The following NSMCE2 variants were observed in gnomAD, a reference collection of about 807,000 sequenced individuals.
NSMCE2 encodes E3 SUMO-protein ligase NSE2.
In NSMCE2, 24 loss-of-function variants were observed where a neutral mutation model predicts 23.8. The observed-to-expected ratio is 1.01, with a 90% CI of 0.73 to 1.42. NSMCE2 has a LOEUF of 1.42. Among genes scored for constraint, NSMCE2 ranks in the 40% most tolerant of loss-of-function variants. The pLI, the probability that NSMCE2 is intolerant of heterozygous loss-of-function variation, is 0.00. For synonymous variants in NSMCE2, 92 were observed against 94.1 expected, an observed-to-expected ratio of 0.98 and a Z score of 0.13; for missense variants, 284 against 296.5, an observed-to-expected ratio of 0.96 and a Z score of 0.31.
At chr8:125,175,713 A>G (rs1369037431) in intron 4 of NSMCE2, among the ~76,000 whole-genome samples, 1 of 151,316 alleles carries the variant, frequency 6.6e-6, no homozygotes, top group Non-Finnish European at 1.5e-5. Flanking sequence ...TTATAAGGCA[A>G]TAATGATAAT....
intron 5 of NSMCE2, among the ~76,000 whole-genome samples, chr8:125,224,421 T>G (rs969451754): frequency 6.6e-6 from 1 of 152,170 alleles, no homozygotes; most frequent in African/African-American, 2.4e-5. Flanking sequence ...TTCAAGTAGT[T>G]TTACAGTTTC....
intron 5 of NSMCE2, among the ~76,000 whole-genome samples, chr8:125,212,819 C>T (rs1307503472): frequency 6.6e-6 from 1 of 152,142 alleles, no homozygotes; most frequent in Non-Finnish European, 1.5e-5. Flanking sequence ...GACTAGATTT[C>T]AGCCCGGGTT....
chr8:125,279,678 T>A (rs1827619073), intron 5 of NSMCE2, among the ~76,000 whole-genome samples: 1 of 152,376 alleles, frequency 6.6e-6, no homozygotes, highest in South Asian at 2.1e-4. Context: ...TCATAACTTA[T>A]AATTTATTAA....
intron 4 of NSMCE2, among the ~76,000 whole-genome samples, chr8:125,167,161 G>A (rs1315532897): frequency 1.3e-5 from 2 of 152,190 alleles, no homozygotes; most frequent in Admixed American, 1.3e-4. Context: ...AGTGCAAGAT[G>A]GCTCTTTACC....
intron 5 of NSMCE2, among the ~76,000 whole-genome samples, chr8:125,262,171 A>T (rs1258667956): frequency 6.6e-6 from 1 of 152,068 alleles, no homozygotes; most frequent in East Asian, 1.9e-4. Flanking sequence ...CACACCTGTA[A>T]TCCCAGCACT....
At chr8:125,272,874 T>A (rs1304118958) in intron 5 of NSMCE2, among the ~76,000 whole-genome samples, 1 of 129,190 alleles carries the variant, frequency 7.7e-6, no homozygotes, top group African/African-American at 3.0e-5. Context: ...TACACACGTA[T>A]ACGTGTGTGT....
chr8:125,163,434 G>T (rs1027821849), intron 4 of NSMCE2, among the ~76,000 whole-genome samples: 1 of 152,150 alleles, frequency 6.6e-6, no homozygotes, highest in Non-Finnish European at 1.5e-5. Flanking sequence ...GTCCAGCTGG[G>T]AAATAAAGAT....
intron 3 of NSMCE2, among the ~76,000 whole-genome samples, chr8:125,112,580 T>C (rs1818815707): frequency 6.6e-6 from 1 of 152,152 alleles, no homozygotes; most frequent in African/African-American, 2.4e-5. Flanking sequence ...TGAAATACTG[T>C]CATTTGCAAC....
At chr8:125,356,185 A>G (rs1288684719) in intron 5 of NSMCE2, among the ~76,000 whole-genome samples, 2 of 151,896 alleles carry the variant, frequency 1.3e-5, no homozygotes, top group Non-Finnish European at 1.5e-5. Flanking sequence ...CAAGATATTT[A>G]TAAAAATGGA....
chr8:125,359,580 G>T (rs1056842888), intron 7 of NSMCE2, among the ~76,000 whole-genome samples: 1 of 152,052 alleles, frequency 6.6e-6, no homozygotes, highest in African/African-American at 2.4e-5. Flanking sequence ...TGATCTGCCC[G>T]CTTCGGCCTC....
At chr8:125,313,259 A>G (rs1296009723) in intron 5 of NSMCE2, among the ~76,000 whole-genome samples, 1 of 151,918 alleles carries the variant, frequency 6.6e-6, no homozygotes, top group Admixed American at 6.6e-5. Context: ...GAAAAGAAGG[A>G]AAGAAAAAAG....
intron 5 of NSMCE2, among the ~76,000 whole-genome samples, chr8:125,338,944 G>C (rs1236654414): frequency 6.6e-6 from 1 of 152,188 alleles, no homozygotes; most frequent in Non-Finnish European, 1.5e-5. Flanking sequence ...CTCTGCCCTA[G>C]ATTTACAGTT....
At chr8:125,309,034 C>G (rs570035089) in intron 5 of NSMCE2, among the ~76,000 whole-genome samples, 241 of 152,112 alleles carry the variant, frequency 1.6e-3, no homozygotes, top group African/African-American at 5.6e-3. Context: ...CACCTGAGGT[C>G]AAGAGTTCAA....
intron 5 of NSMCE2, among the ~76,000 whole-genome samples, chr8:125,278,168 T>C (rs1334122165): frequency 6.6e-6 from 1 of 152,176 alleles, no homozygotes; most frequent in African/African-American, 2.4e-5. Context: ...GCATGGGTAT[T>C]TTACATTATT....
intron 3 of NSMCE2, among the ~76,000 whole-genome samples, chr8:125,123,698 C>T (rs192807140): frequency 6.6e-6 from 1 of 152,322 alleles, no homozygotes; most frequent in East Asian, 1.9e-4. Context: ...AAGTTTGGAA[C>T]ATTAAGTAAA....
Position 125,251,413 on chromosome 8 carries a change from G to A in NSMCE2, c.418+69157G>A, listed in dbSNP as rs140701581. The stretch of plus-strand genomic sequence containing the variant: ...TATCACGGGTCTTAATGGGAAGACA[G>A]TGATTTTTAAATGGGAGAGACTTGA... On this transcript the variant is annotated intron_variant, in intron 5 of 7. Coordinates refer to ENST00000287437, the MANE Select transcript of NSMCE2 (RefSeq NM_173685.4). 3.9e-4 allele frequency among the ~76,000 whole-genome samples: 59 copies of A among 152,340 alleles called. 1 individual carries two copies. Among genetic ancestry groups the A allele is most frequent in the Middle Eastern group, 3.4e-3 (1 of 294 alleles).
intron 4 of NSMCE2, 65 bp downstream of exon 4, chr8:125,151,342 C>A: frequency 1.3e-6 from 1 of 748,882 alleles, no homozygotes; most frequent in Non-Finnish European, 2.3e-6. Flanking sequence ...AGTAGAAACA[C>A]AAAATCAAAA....
intron 5 of NSMCE2, among the ~76,000 whole-genome samples, chr8:125,271,136 C>T (rs1433030167): frequency 6.6e-6 from 1 of 151,922 alleles, no homozygotes; most frequent in African/African-American, 2.4e-5. Flanking sequence ...TGGTGCGCAC[C>T]TATAATCCCA....
intron 4 of NSMCE2, among the ~76,000 whole-genome samples, chr8:125,171,684 T>C (rs557685538): frequency 1.3e-5 from 2 of 152,320 alleles, no homozygotes; most frequent in African/African-American, 4.8e-5. Context: ...CTACCAGATT[T>C]TGTCTGGCTA....
Sources: allele counts gnomAD v4.1 joint callset (sites outside exome capture counted in the v4.1 genomes callset), GRCh38; gene constraint gnomAD v4.1.1; transcripts MANE v1.5; gene names NCBI Gene and HGNC (gene_info 2026-07-23, HGNC 2026-07-21).